DIS3L: variants seen among roughly 807,000 people sequenced by gnomAD.
DIS3L encodes DIS3-like exonuclease 1.
A neutral mutation model predicts 120.3 loss-of-function variants in DIS3L; 100 were observed. The observed-to-expected ratio is 0.83, with a 90% CI of 0.71 to 0.98. The LOEUF is 0.98. DIS3L is among the 50% of genes least tolerant of loss of function. The probability of loss-of-function intolerance (pLI) is 0.00; values close to 1 mark genes in which losing one functional copy is unlikely to be tolerated. For synonymous variants in DIS3L, 426 were observed against 470.6 expected, an observed-to-expected ratio of 0.91 and a Z score of 1.23; for missense variants, 1,196 against 1,314.2, an observed-to-expected ratio of 0.91 and a Z score of 1.39.
Position 66,332,030 on chromosome 15 carries a change from A to G in DIS3L, c.2681+10A>G. The G allele has an allele frequency of 6.2e-7, 1 of 1,602,386 alleles. No homozygotes were observed. On this transcript the variant is annotated intron_variant, in intron 15 of 16. Coordinates refer to ENST00000319212, the MANE Select transcript of DIS3L (RefSeq NM_001143688.3). ...TTCTATTTATACCAAGGTATGTTAC[A>G]TCTAATGCAATGGTGCATAAGAAAT...
chr15:66,298,655 A>T (rs909872996), intron 2 of DIS3L, among the ~76,000 whole-genome samples: 5 of 152,222 alleles, frequency 3.3e-5, no homozygotes, highest in African/African-American at 1.2e-4. Flanking sequence ...ATTGCACAGA[A>T]CAGTATGACT....
chr15:66,330,907 C>T (rs1432451482), intron 14 of DIS3L, among the ~76,000 whole-genome samples: 1 of 152,196 alleles, frequency 6.6e-6, no homozygotes. Context: ...GTAATCCTAG[C>T]ACTTTTCGAG....
intron 14 of DIS3L, among the ~76,000 whole-genome samples, chr15:66,330,820 C>G (rs754554656): frequency 3.3e-5 from 5 of 152,146 alleles, no homozygotes; most frequent in Non-Finnish European, 5.9e-5. Context: ...GGAAAAATTC[C>G]TAGAAATGGA....
At chr15:66,312,453 T>A in intron 5 of DIS3L, among the ~76,000 whole-genome samples, 1 of 152,166 alleles carries the variant, frequency 6.6e-6, no homozygotes, top group East Asian at 1.9e-4. Flanking sequence ...ACAAGCAGAC[T>A]GTGGAAGTCG....
chr15:66,300,202 T>C (rs1481671243), intron 2 of DIS3L, among the ~76,000 whole-genome samples: 1 of 152,242 alleles, frequency 6.6e-6, no homozygotes. Context: ...GGGAATATTA[T>C]TCAGCCATAA....
At chr15:66,313,233 A>G (rs961548764) in intron 5 of DIS3L, among the ~76,000 whole-genome samples, 1 of 151,804 alleles carries the variant, frequency 6.6e-6, no homozygotes, top group African/African-American at 2.4e-5. Flanking sequence ...TGACCTCGTG[A>G]TCCACCCACC....
At chr15:66,323,933 A>G (rs2092911815) in intron 11 of DIS3L, among the ~76,000 whole-genome samples, 2 of 152,200 alleles carry the variant, frequency 1.3e-5, no homozygotes, top group Admixed American at 6.5e-5. Flanking sequence ...CATGAGGATC[A>G]TGAACTCGGG....
chr15:66,312,635 A>T (rs1051966291), intron 5 of DIS3L, among the ~76,000 whole-genome samples: 1 of 152,124 alleles, frequency 6.6e-6, no homozygotes, highest in African/African-American at 2.4e-5. Flanking sequence ...TAGAACTCAG[A>T]TGCTGTCAGG....
chr15:66,325,461 A>G (rs377451863), intron 11 of DIS3L, among the ~76,000 whole-genome samples: 7 of 152,372 alleles, frequency 4.6e-5, no homozygotes, highest in Admixed American at 2.0e-4. Context: ...AAATTTGTTC[A>G]GAGCTCAACA....
chr15:66,294,370 C>T (rs915927726), intron 1 of DIS3L: 7 of 985,462 alleles, frequency 7.1e-6, no homozygotes, highest in Non-Finnish European at 8.4e-6. Context: ...TACTGGCTCT[C>T]TTCCCCCATG....
At chr15:66,315,462 C>T (rs542860235) in intron 7 of DIS3L, among the ~76,000 whole-genome samples, 8 of 152,210 alleles carry the variant, frequency 5.3e-5, no homozygotes, top group Non-Finnish European at 1.2e-4. Context: ...ATTAACCTCA[C>T]TATGTGATGA....
intron 3 of DIS3L, 106 bp from the exon 4 acceptor site, chr15:66,308,603 G>C (rs968596467): frequency 1.3e-5 from 17 of 1,359,758 alleles, no homozygotes; most frequent in Non-Finnish European, 1.6e-5. Context: ...ACGAATGAAT[G>C]GTTATCTATA....
At position 66,313,865 on chromosome 15, in the gene DIS3L, G is replaced by GTATA. The variant is rs35511104; in HGVS notation, c.736-162_736-159dup. ...TATGTGTGTGCGTATATATATGTGT[G>GTATA]TATATATATATATATGTGTGTGTAT... On this transcript the variant is annotated intron_variant, in intron 5 of 16. Transcript: ENST00000319212. Among the ~76,000 whole-genome samples, 595 of 131,882 alleles carry GTATA rather than the reference G, an allele frequency of 4.5e-3. 2 individuals carry two copies. The highest frequency in any genetic ancestry group is 0.013 in the African/African-American group (406 of 32,272). 86.5% of individuals were successfully genotyped at this position (131,882 alleles called of 152,430 possible). A position where few individuals can be genotyped will look rare whatever the true frequency, so the allele number is the denominator to read the frequency against.
chr15:66,324,780 A>G (rs1030519927), intron 11 of DIS3L, among the ~76,000 whole-genome samples: 2 of 152,184 alleles, frequency 1.3e-5, no homozygotes, highest in Admixed American at 1.3e-4. Context: ...TTTGTCACTT[A>G]TGTATCCCTT....
chr15:66,317,585 G>GA (rs2092832575), intron 7 of DIS3L, among the ~76,000 whole-genome samples: 3 of 152,058 alleles, frequency 2.0e-5, no homozygotes, highest in Non-Finnish European at 2.9e-5. Flanking sequence ...ATACCAAAAT[G>GA]AGATTGATAA....
intron 11 of DIS3L, among the ~76,000 whole-genome samples, chr15:66,325,553 C>G (rs933352567): frequency 1.3e-5 from 2 of 152,118 alleles, no homozygotes; most frequent in Non-Finnish European, 2.9e-5. Flanking sequence ...AACCAGAAAC[C>G]TGTAGCTTTG....
intron 14 of DIS3L, chr15:66,329,687 G>T (rs921319611): frequency 9.5e-7 from 1 of 1,049,014 alleles, no homozygotes. Flanking sequence ...ACTTGAGGGC[G>T]GATCACTTGA....
chr15:66,295,944 G>A (rs1217439991), intron 2 of DIS3L, among the ~76,000 whole-genome samples: 1 of 152,128 alleles, frequency 6.6e-6, no homozygotes, highest in African/African-American at 2.4e-5. Flanking sequence ...AAAAGATGAA[G>A]TGTTTTTATT....
At chr15:66,302,819 T>C (rs1268387261) in intron 2 of DIS3L, among the ~76,000 whole-genome samples, 2 of 152,242 alleles carry the variant, frequency 1.3e-5, no homozygotes, top group Non-Finnish European at 2.9e-5. Context: ...TTTTAAATTG[T>C]GGTAAAATGT....
Sources: gnomAD v4.1 joint callset for allele counts (sites outside exome capture counted in the v4.1 genomes callset) on GRCh38, gnomAD v4.1.1 for gene constraint, MANE v1.5 for transcripts, NCBI Gene and HGNC (gene_info 2026-07-23, HGNC 2026-07-21) for gene names.